The following ELF1 variants were observed in gnomAD, a reference collection of about 807,000 sequenced individuals.
ELF1 encodes ETS-related transcription factor Elf-1.
Under a neutral mutation model 59.9 loss-of-function variants are expected in ELF1, and 24 were observed. The ratio of observed to expected loss-of-function variants is 0.40; its 90% confidence interval spans 0.29 to 0.56. The LOEUF (loss-of-function observed/expected upper bound fraction) is 0.56. Ranked by LOEUF, ELF1 falls within the 20% of genes least tolerant of loss-of-function variation. ELF1 has a pLI of 0.44. For missense variants in ELF1, 627 were observed against 742.2 expected (o/e 0.84, Z 1.80); for synonymous variants, 248 against 266.2 (o/e 0.93, Z 0.67).
At chr13:41,022,074 G>A (rs545291202), upstream of ELF1, among the ~76,000 whole-genome samples, 2 of 152,278 alleles carry the variant, frequency 1.3e-5, no homozygotes, top group East Asian at 3.9e-4. Flanking sequence ...GAGAAATGAA[G>A]ATATGTGTCT....
intron 1 of ELF1, among the ~76,000 whole-genome samples, chr13:41,052,613 A>G: frequency 6.6e-6 from 1 of 151,806 alleles, no homozygotes; most frequent in East Asian, 2.0e-4. Context: ...CACTTTAGAA[A>G]GCCAAGGCGG....
chr13:40,993,786 G>T (rs1390198783), intron 1 of ELF1, among the ~76,000 whole-genome samples: 1 of 152,024 alleles, frequency 6.6e-6, no homozygotes, highest in African/African-American at 2.4e-5. Context: ...CACCTGGCCG[G>T]GTTCTTTAAT....
In ELF1 at chr13:41,040,558, T is replaced by C. The variant is rs371732907; in HGVS notation, c.-229+20280A>G. ...GGAGGATGGTTTTGGGATGAAACTG[T>C]TCCTCCTCAGATCATCAGGCATTAG... On this transcript the variant is annotated intron_variant, in intron 1 of 1. Coordinates refer to the ELF1 transcript ENST00000405737. Among the ~76,000 whole-genome samples, 122 of 152,212 alleles carry C rather than the reference T, an allele frequency of 8.0e-4. 4 individuals carry two copies. The South Asian group carries it at 0.023, about 29-fold the overall frequency.
At chr13:41,036,071 A>G (rs983533096) in intron 1 of ELF1, among the ~76,000 whole-genome samples, 10 of 150,616 alleles carry the variant, frequency 6.6e-5, no homozygotes, top group Non-Finnish European at 1.5e-4. Context: ...CGCCCGGCTA[A>G]TTTTTTTTTG....
At chr13:40,994,893 C>T (rs977839423) in intron 1 of ELF1, among the ~76,000 whole-genome samples, 1 of 152,104 alleles carries the variant, frequency 6.6e-6, no homozygotes, top group Non-Finnish European at 1.5e-5. Context: ...TGCAATGGTT[C>T]CCCCATCTGA....
At chr13:40,995,240 C>G (rs1030777049) in intron 1 of ELF1, among the ~76,000 whole-genome samples, 1 of 152,168 alleles carries the variant, frequency 6.6e-6, no homozygotes, top group Non-Finnish European at 1.5e-5. Flanking sequence ...GCTCTTAAGC[C>G]TGGAGTAGGA....
At chr13:40,981,837 T>C in intron 2 of ELF1, 146 bp downstream of exon 2, 3 of 926,154 alleles carry the variant, frequency 3.2e-6, no homozygotes, top group African/African-American at 1.7e-5. Context: ...TAAAACATAG[T>C]ATAATATTTC....
chr13:41,060,011 G>A (rs1181050697), intron 1 of ELF1, among the ~76,000 whole-genome samples: 1 of 152,218 alleles, frequency 6.6e-6, no homozygotes, highest in African/African-American at 2.4e-5. Context: ...AAAGAAAAAA[G>A]ATTCTCGTTC....
intron 1 of ELF1, among the ~76,000 whole-genome samples, chr13:41,009,859 T>C (rs1033501867): frequency 6.6e-6 from 1 of 152,124 alleles, no homozygotes; most frequent in African/African-American, 2.4e-5. Context: ...ATATTTAAAT[T>C]ACTAGTTGCA....
chr13:41,032,099 A>C (rs955615391), intron 1 of ELF1, among the ~76,000 whole-genome samples: 2 of 152,082 alleles, frequency 1.3e-5, no homozygotes, highest in African/African-American at 4.8e-5. Context: ...TTCAGTTCTT[A>C]AAAGACAACT....
upstream of ELF1, among the ~76,000 whole-genome samples, chr13:41,023,741 A>T (rs908558033): frequency 6.6e-6 from 1 of 152,168 alleles, no homozygotes; most frequent in Non-Finnish European, 1.5e-5. Context: ...GCAACAGTCT[A>T]TGTATTTTCA....
intron 1 of ELF1, among the ~76,000 whole-genome samples, chr13:41,040,700 T>C (rs561675001): frequency 3.1e-4 from 47 of 152,146 alleles, no homozygotes; most frequent in Non-Finnish European, 5.7e-4. Context: ...GCTCAGACAG[T>C]AATGCTCGCT....
intron 1 of ELF1, among the ~76,000 whole-genome samples, chr13:41,056,718 C>T (rs1399925744): frequency 6.6e-6 from 1 of 151,840 alleles, no homozygotes; most frequent in African/African-American, 2.4e-5. Flanking sequence ...AAGAAATAAA[C>T]AGAAACAAAT....
At chr13:41,002,581 C>A (rs1347310557) in intron 1 of ELF1, among the ~76,000 whole-genome samples, 9 of 141,014 alleles carry the variant, frequency 6.4e-5, no homozygotes, top group African/African-American at 2.1e-4. Context: ...CAAGACCTTA[C>A]CTTAAAAAAA....
chr13:40,996,179 C>T (rs879297326), intron 1 of ELF1, among the ~76,000 whole-genome samples: 1 of 151,556 alleles, frequency 6.6e-6, no homozygotes, highest in Admixed American at 6.6e-5. Context: ...CAAAAGCAGG[C>T]AAGGATGTGG....
intron 1 of ELF1, among the ~76,000 whole-genome samples, chr13:41,060,036 T>C (rs1877447293): frequency 6.6e-6 from 1 of 152,248 alleles, no homozygotes; most frequent in Non-Finnish European, 1.5e-5. Flanking sequence ...AGGCCTTTTT[T>C]CGAGGGTACT....
chr13:40,943,831 C>A lies in ELF1; in HGVS notation c.613+11G>T. Reference sequence around the variant, plus strand: ...AGTGTTATTTGACCTATAAGTATTACACAGTAGTACCCTTTCCATCTTTGT... The same window carrying A: ...AGTGTTATTTGACCTATAAGTATTAAACAGTAGTACCCTTTCCATCTTTGT... On this transcript the variant is annotated intron_variant, in intron 6 of 8. Coordinates refer to ENST00000239882, the MANE Select transcript of ELF1 (RefSeq NM_172373.4). 6.2e-7 allele frequency: 1 copy of A among 1,609,058 alleles called. No homozygotes were observed. Among genetic ancestry groups the A allele is most frequent in the South Asian group, 1.1e-5 (1 of 90,400 alleles).
intron 1 of ELF1, among the ~76,000 whole-genome samples, chr13:41,041,805 G>A (rs1876622839): frequency 6.6e-6 from 1 of 152,078 alleles, no homozygotes; most frequent in African/African-American, 2.4e-5. Flanking sequence ...GTCTTAGGTG[G>A]ACTCAAGATT....
chr13:41,009,218 T>C (rs1874916463), intron 1 of ELF1, among the ~76,000 whole-genome samples: 1 of 151,914 alleles, frequency 6.6e-6, no homozygotes, highest in Non-Finnish European at 1.5e-5. Flanking sequence ...GTAACCCACA[T>C]GAACCAAAGC....
Sources: allele counts gnomAD v4.1 joint callset (sites outside exome capture counted in the v4.1 genomes callset), GRCh38; gene constraint gnomAD v4.1.1; transcripts MANE v1.5; gene names NCBI Gene and HGNC (gene_info 2026-07-23, HGNC 2026-07-21).